GMDS: variants seen among roughly 807,000 people sequenced by gnomAD.
GMDS encodes GDP-mannose 4,6-dehydratase, also known as GDP-mannose 4,6 dehydratase.
GMDS carries 20 observed loss-of-function variants against 49.9 expected under a neutral mutation model. The ratio of observed to expected loss-of-function variants is 0.40; its 90% CI spans 0.28 to 0.58. The LOEUF is 0.58. GMDS is among the 20% of genes least tolerant of loss of function. The pLI is 0.42. For missense variants in GMDS, 362 were observed against 481.4 expected (o/e 0.75, Z 2.32); for synonymous variants, 177 against 178.6 (o/e 0.99, Z 0.07).
At chr6:1,762,412 G>C (rs957373905) in intron 7 of GMDS, among the ~76,000 whole-genome samples, 4 of 152,272 alleles carry the variant, frequency 2.6e-5, no homozygotes, top group Non-Finnish European at 5.9e-5. Context: ...AGCAGTCCCA[G>C]AGCTGGCTGC....
intron 9 of GMDS, among the ~76,000 whole-genome samples, chr6:1,676,768 T>C (rs913307186): frequency 5.9e-5 from 9 of 152,130 alleles, no homozygotes; most frequent in Non-Finnish European, 1.0e-4. Context: ...TTACATCTTA[T>C]AGAAAAATTA....
At chr6:1,903,363 C>A (rs1323186054) in intron 7 of GMDS, among the ~76,000 whole-genome samples, 2 of 152,144 alleles carry the variant, frequency 1.3e-5, no homozygotes, top group Non-Finnish European at 2.9e-5. Flanking sequence ...ATATGAATTT[C>A]TTCAATCGGA....
At chr6:1,967,916 A>G (rs1041093483) in intron 4 of GMDS, among the ~76,000 whole-genome samples, 4 of 152,222 alleles carry the variant, frequency 2.6e-5, no homozygotes, top group African/African-American at 9.6e-5. Flanking sequence ...AGTCCTTTAA[A>G]TGGGCTGAAA....
intron 4 of GMDS, among the ~76,000 whole-genome samples, chr6:2,115,184 G>T (rs1387331690): frequency 6.6e-6 from 1 of 152,144 alleles, no homozygotes; most frequent in Non-Finnish European, 1.5e-5. Context: ...GAACCCTAAG[G>T]ATGGGCCTGT....
chr6:1,626,609 C>T (rs1298759526), intron 9 of GMDS, among the ~76,000 whole-genome samples: 2 of 152,316 alleles, frequency 1.3e-5, no homozygotes, highest in East Asian at 3.9e-4. Flanking sequence ...CCTATAGCGG[C>T]TAGACGGTGT....
chr6:1,823,441 T>C (rs1237307607), intron 7 of GMDS, among the ~76,000 whole-genome samples: 2 of 152,192 alleles, frequency 1.3e-5, no homozygotes, highest in Admixed American at 1.3e-4. Flanking sequence ...TTTTCAGTCA[T>C]GATCTTCCCA....
intron 1 of GMDS, among the ~76,000 whole-genome samples, chr6:2,225,741 A>G (rs1780785354): frequency 6.6e-6 from 1 of 152,236 alleles, no homozygotes; most frequent in Admixed American, 6.5e-5. Flanking sequence ...ACAGTAGAAT[A>G]AGGAAATGTT....
At chr6:1,996,583 T>C (rs1323027697) in intron 4 of GMDS, among the ~76,000 whole-genome samples, 1 of 152,210 alleles carries the variant, frequency 6.6e-6, no homozygotes, top group African/African-American at 2.4e-5. Context: ...TTTTTCTATA[T>C]ATTTCTCCAC....
At chr6:2,019,638 C>T (rs898498422) in intron 4 of GMDS, among the ~76,000 whole-genome samples, 4 of 151,968 alleles carry the variant, frequency 2.6e-5, no homozygotes, top group Non-Finnish European at 4.4e-5. Context: ...TTAGTAGAGA[C>T]GGAGTTTCAC....
At chr6:1,698,787 CTTTTT>C (rs10641587) in intron 9 of GMDS, among the ~76,000 whole-genome samples, 3 of 133,070 alleles carry the variant, frequency 2.3e-5, no homozygotes, top group Non-Finnish European at 3.2e-5. Context: ...CCTGGTTTCC[CTTTTT>C]TTTTTTTTTT....
chr6:1,901,060 G>A (rs753907421), intron 7 of GMDS, among the ~76,000 whole-genome samples: 10 of 152,194 alleles, frequency 6.6e-5, no homozygotes, highest in Non-Finnish European at 1.0e-4. Flanking sequence ...AGAGAACGGC[G>A]AAGCGCTGGT....
At chr6:2,076,731 C>T (rs997772805) in intron 4 of GMDS, among the ~76,000 whole-genome samples, 9 of 152,108 alleles carry the variant, frequency 5.9e-5, no homozygotes, top group African/African-American at 2.2e-4. Context: ...AAACTGGATC[C>T]CTTCCTTACA....
At chr6:2,159,955 A>G (rs952522974) in intron 1 of GMDS, among the ~76,000 whole-genome samples, 1 of 152,232 alleles carries the variant, frequency 6.6e-6, no homozygotes, top group African/African-American at 2.4e-5. Context: ...TATATAAAAT[A>G]TGCAATTTTA....
chr6:1,642,542 C>T (rs1481229819), intron 9 of GMDS, among the ~76,000 whole-genome samples: 1 of 152,164 alleles, frequency 6.6e-6, no homozygotes, highest in Non-Finnish European at 1.5e-5. Flanking sequence ...TTGGTTTTGT[C>T]AGGGAGAAAA....
chr6:2,189,052 T>C (rs1170726056), intron 1 of GMDS, among the ~76,000 whole-genome samples: 4 of 152,142 alleles, frequency 2.6e-5, no homozygotes, highest in African/African-American at 4.8e-5. Flanking sequence ...TTCATAGTTA[T>C]ATGAACTGGT....
In GMDS at chr6:1,970,311, C is replaced by G. The variant is rs192913921; in HGVS notation, c.346-9345G>C. On this transcript the variant is annotated intron_variant, in intron 4 of 10. Coordinates refer to ENST00000380815, the MANE Select transcript of GMDS (RefSeq NM_001500.4). Reference sequence around the variant, plus strand: ...AGTGAAAGTTATTAATCAAGGACAGCAACAATAAAACCTTACGTTCCATCA... The same window carrying G: ...AGTGAAAGTTATTAATCAAGGACAGGAACAATAAAACCTTACGTTCCATCA... 3.3e-5 allele frequency among the ~76,000 whole-genome samples: 5 copies of G among 152,346 alleles called. No individual in the cohort carries two copies. The East Asian group carries it at 7.7e-4, about 24-fold the overall frequency.
chr6:1,742,331 C>A, intron 8 of GMDS, 137 bp downstream of exon 8: 1 of 604,852 alleles, frequency 1.7e-6, no homozygotes. Context: ...AGCAAAGGCC[C>A]CACTCTACAC....
chr6:1,655,569 C>CA (rs1467138732), intron 9 of GMDS, among the ~76,000 whole-genome samples: 1 of 150,740 alleles, frequency 6.6e-6, no homozygotes. Context: ...AGCTGGAGTG[C>CA]AGTGGCTCTC....
chr6:1,894,967 C>T (rs1242860611), intron 7 of GMDS, among the ~76,000 whole-genome samples: 3 of 152,164 alleles, frequency 2.0e-5, no homozygotes, highest in African/African-American at 7.2e-5. Flanking sequence ...TGTTCTTTTT[C>T]CCCCTTTAGG....
Sources: allele counts gnomAD v4.1 joint callset (sites outside exome capture counted in the v4.1 genomes callset), GRCh38; gene constraint gnomAD v4.1.1; transcripts MANE v1.5; gene names NCBI Gene and HGNC (gene_info 2026-07-23, HGNC 2026-07-21).